Variants in ZNF638 observed in about 807,000 individuals in gnomAD.
ZNF638 encodes the protein CTCL tumor antigen se33-1.
A neutral mutation model predicts 195.6 loss-of-function variants in ZNF638; 46 were observed. The ratio of observed to expected loss-of-function variants is 0.24; its 90% CI spans 0.19 to 0.30. The LOEUF is 0.30. Among genes scored for constraint, ZNF638 ranks in the 10% least tolerant of loss-of-function variants. ZNF638 has a pLI of 1.00. For missense variants in ZNF638, 2,440 were observed against 2,325.3 expected (o/e 1.05, Z -1.01); for synonymous variants, 845 against 772.0 (o/e 1.09, Z -1.57).
intron 1 of ZNF638, chr2:71,341,912 A>C (rs1171935558): frequency 6.6e-6 from 1 of 152,114 alleles, no homozygotes; most frequent in Non-Finnish European, 1.5e-5. Flanking sequence ...CATTATCTTA[A>C]AAAGGCAGAG....
At chr2:71,434,169 C>A (rs892320645) in intron 27 of ZNF638, among the ~76,000 whole-genome samples, 3 of 152,222 alleles carry the variant, frequency 2.0e-5, no homozygotes, top group African/African-American at 7.2e-5. Flanking sequence ...TTTTCTACTT[C>A]TCTGAATGCT....
chr2:71,433,516 T>C (rs2152611108), intron 27 of ZNF638: 1 of 401,694 alleles, frequency 2.5e-6, no homozygotes, highest in Admixed American at 4.2e-5. Context: ...ACTAGTCTCA[T>C]ATGACACTCC....
At chr2:71,336,917 A>G (rs1414097760) in intron 1 of ZNF638, among the ~76,000 whole-genome samples, 1 of 152,208 alleles carries the variant, frequency 6.6e-6, no homozygotes, top group East Asian at 1.9e-4. Context: ...TTTTGCATGA[A>G]GTCATTCACT....
Position 71,406,338 on chromosome 2 carries a change from A to G in ZNF638, c.3135+76A>G, listed in dbSNP as rs1011976780. 125 of 1,309,948 alleles carry G rather than the reference A, an allele frequency of 9.5e-5. 2 individuals carry two copies. In the Admixed American group the frequency reaches 2.0e-3, roughly 21 times the overall value. 81.1% of individuals were successfully genotyped at this position (1,309,948 alleles called of 1,614,324 possible). On this transcript the variant is annotated intron_variant, in intron 19 of 27. Coordinates refer to ENST00000264447, the MANE Select transcript of ZNF638 (RefSeq NM_014497.5). ...TAACCCTGTATTCTGACAATCTGCA[A>G]CTTCTGATCTGAAGCACCTGTAAAT...
intron 3 of ZNF638, among the ~76,000 whole-genome samples, chr2:71,360,445 C>T (rs546174751): frequency 3.3e-5 from 5 of 151,612 alleles, no homozygotes; most frequent in African/African-American, 1.2e-4. Flanking sequence ...CCATTTCTTT[C>T]CAGAATGCCT....
intron 3 of ZNF638, among the ~76,000 whole-genome samples, chr2:71,358,031 G>C (rs1325906045): frequency 6.6e-6 from 1 of 152,110 alleles, no homozygotes; most frequent in East Asian, 1.9e-4. Flanking sequence ...CCCTTCCGAG[G>C]CTCTGGGGGA....
intron 1 of ZNF638, among the ~76,000 whole-genome samples, chr2:71,342,561 A>G (rs565480243): frequency 3.3e-5 from 5 of 152,356 alleles, no homozygotes; most frequent in African/African-American, 1.2e-4. Context: ...TAAAGTTTAT[A>G]ATAGCCAAAG....
chr2:71,423,963 C>T lies in ZNF638; in HGVS notation c.4449C>T (p.Tyr1483=), dbSNP rs1225259836. 2.5e-6 allele frequency: 4 copies of T among 1,614,042 alleles called. No individual in the cohort carries two copies. Among genetic ancestry groups the T allele is most frequent in the Non-Finnish European group, 3.4e-6 (4 of 1,179,988 alleles). ...ALQGKLSKLD[Y]RDITKQSQET... is the part of the protein sequence containing the mutation. ...AAGGCAAGCTTTCTAAACTGGATTA[C>T]AGAGATATAACAAAACAATCTCAGG... Residue 1483 remains tyrosine, a synonymous_variant, in exon 22 of 28, where the codon TAC becomes TAT. Transcript: ENST00000264447.
chr2:71,342,960 A>G (rs934889459), intron 1 of ZNF638, among the ~76,000 whole-genome samples: 3 of 152,200 alleles, frequency 2.0e-5, no homozygotes, highest in Non-Finnish European at 2.9e-5. Flanking sequence ...TTCCAGTACA[A>G]CTGTCTTACA....
chr2:71,422,771 G>A, intron 21 of ZNF638, 43 bp from the exon 22 acceptor site: 1 of 1,563,024 alleles, frequency 6.4e-7, no homozygotes, highest in South Asian at 1.2e-5. Flanking sequence ...TTTTGTTTGT[G>A]TTTTTGTTTG....
At chr2:71,386,523 A>G (rs753950227) in intron 10 of ZNF638, among the ~76,000 whole-genome samples, 1 of 152,164 alleles carries the variant, frequency 6.6e-6, no homozygotes, top group Non-Finnish European at 1.5e-5. Flanking sequence ...ATAACCATTA[A>G]CCAGTACAAT....
chr2:71,397,366 G>A (rs1453948915), intron 11 of ZNF638, among the ~76,000 whole-genome samples: 1 of 152,196 alleles, frequency 6.6e-6, no homozygotes, highest in Admixed American at 6.5e-5. Context: ...GGCAAAAGTC[G>A]TGAATGACAA....
At chr2:71,386,338 G>A (rs925885721) in intron 10 of ZNF638, among the ~76,000 whole-genome samples, 3 of 143,620 alleles carry the variant, frequency 2.1e-5, no homozygotes, top group Non-Finnish European at 3.0e-5. Context: ...TTTATGATAT[G>A]TATGTGTGTA....
At chr2:71,421,241 G>A (rs2080425442) in intron 21 of ZNF638, among the ~76,000 whole-genome samples, 2 of 151,984 alleles carry the variant, frequency 1.3e-5, no homozygotes, top group Non-Finnish European at 2.9e-5. Flanking sequence ...TATACCTGCT[G>A]TAACTGTGAA....
At chr2:71,392,382 G>A (rs959545741) in intron 10 of ZNF638, among the ~76,000 whole-genome samples, 5 of 152,156 alleles carry the variant, frequency 3.3e-5, no homozygotes, top group African/African-American at 4.8e-5. Flanking sequence ...ATTTACTACC[G>A]CTCAGGGAGC....
At position 71,398,692 on chromosome 2, in the gene ZNF638, G is replaced by A; in HGVS notation, c.2429-9G>A. ...TAAACCAGTTTTGACTGCATCTTTT[G>A]TGATTTAGGGAAATCAGCAAGTTCT... is the stretch of plus-strand genomic sequence containing the variant. On this transcript the variant is annotated splice_polypyrimidine_tract_variant and intron_variant, in intron 11 of 27. Transcript: ENST00000264447. 1 of 1,612,080 alleles carries A rather than the reference G, an allele frequency of 6.2e-7. No individual in the cohort carries two copies. The highest frequency in any genetic ancestry group is 8.5e-7 in the Non-Finnish European group (1 of 1,178,634).
chr2:71,340,746 T>G (rs2078749263), intron 1 of ZNF638, among the ~76,000 whole-genome samples: 1 of 152,204 alleles, frequency 6.6e-6, no homozygotes, highest in Non-Finnish European at 1.5e-5. Context: ...AGTTATAAAG[T>G]AGATTTACAC....
chr2:71,416,837 T>C (rs2080303921), intron 20 of ZNF638, among the ~76,000 whole-genome samples: 1 of 136,032 alleles, frequency 7.4e-6, no homozygotes, highest in Admixed American at 7.4e-5. Flanking sequence ...CTGCCCGTTC[T>C]CAGATCTCCA....
At chr2:71,410,977 A>AC (rs1385563930) in intron 20 of ZNF638, among the ~76,000 whole-genome samples, 112 of 42,970 alleles carry the variant, frequency 2.6e-3, no homozygotes, top group African/African-American at 4.7e-3. Context: ...CTCCCCACCC[A>AC]CCACCTCCCC....
Sources: allele counts gnomAD v4.1 joint callset (sites outside exome capture counted in the v4.1 genomes callset), GRCh38; gene constraint gnomAD v4.1.1; transcripts MANE v1.5; gene names NCBI Gene and HGNC (gene_info 2026-07-23, HGNC 2026-07-21).